The following POU6F2 variants were observed in gnomAD, a reference collection of about 807,000 sequenced individuals.
POU6F2 encodes POU domain, class 6, transcription factor 2.
POU6F2 carries 31 observed loss-of-function variants against 71.3 expected under a neutral mutation model. The ratio of observed to expected loss-of-function variants is 0.43; its 90% CI spans 0.33 to 0.59. The LOEUF (loss-of-function observed/expected upper bound fraction) is 0.59. Among genes scored for constraint, POU6F2 ranks in the 20% least tolerant of loss-of-function variants. POU6F2 has a pLI of 0.04. For synonymous variants in POU6F2, 347 were observed against 355.7 expected (o/e 0.98, Z 0.27); for missense variants, 783 against 856.8 (o/e 0.91, Z 1.07).
chr7:39,280,336 AGT>A (rs1229265296), intron 4 of POU6F2, among the ~76,000 whole-genome samples: 1 of 152,200 alleles, frequency 6.6e-6, no homozygotes, highest in African/African-American at 2.4e-5. Context: ...GGTGACCCAA[AGT>A]GTGTGTTCAA....
intron 2 of POU6F2, among the ~76,000 whole-genome samples, chr7:39,104,825 C>G (rs1448456153): frequency 6.6e-6 from 1 of 152,186 alleles, no homozygotes; most frequent in East Asian, 1.9e-4. Context: ...AAAGAAAGCA[C>G]TTTGGAGACC....
At chr7:39,179,543 A>G (rs1245967822) in intron 2 of POU6F2, among the ~76,000 whole-genome samples, 1 of 152,218 alleles carries the variant, frequency 6.6e-6, no homozygotes, top group Non-Finnish European at 1.5e-5. Flanking sequence ...GCACACACAC[A>G]CACACACGCA....
At chr7:39,131,815 G>A (rs1223656988) in intron 2 of POU6F2, among the ~76,000 whole-genome samples, 1 of 151,726 alleles carries the variant, frequency 6.6e-6, no homozygotes, top group Non-Finnish European at 1.5e-5. Context: ...CTTCCCTTCC[G>A]ATGAGAGGCA....
chr7:39,125,635 A>G (rs1299565090), intron 2 of POU6F2, among the ~76,000 whole-genome samples: 1 of 152,182 alleles, frequency 6.6e-6, no homozygotes, highest in East Asian at 1.9e-4. Flanking sequence ...GAGAGCAAGA[A>G]AGAGAGAGGA....
intron 5 of POU6F2, among the ~76,000 whole-genome samples, chr7:39,354,830 TCC>T (rs1786220159): frequency 6.6e-6 from 1 of 152,230 alleles, no homozygotes; most frequent in African/African-American, 2.4e-5. Flanking sequence ...GTTCAGCCTT[TCC>T]TGAAGGAAAT....
At chr7:39,335,750 G>A (rs1372426435) in intron 4 of POU6F2, among the ~76,000 whole-genome samples, 1 of 152,190 alleles carries the variant, frequency 6.6e-6, no homozygotes, top group African/African-American at 2.4e-5. Context: ...ACTTTTAACC[G>A]AAATTTCCTT....
chr7:39,228,716 C>T (rs759127999), intron 4 of POU6F2, among the ~76,000 whole-genome samples: 2 of 152,048 alleles, frequency 1.3e-5, no homozygotes, highest in African/African-American at 2.4e-5. Context: ...AGTAAGTAGT[C>T]GCAAATGAAT....
At chr7:39,153,258 T>C (rs1159042079) in intron 2 of POU6F2, among the ~76,000 whole-genome samples, 3 of 152,258 alleles carry the variant, frequency 2.0e-5, no homozygotes, top group Admixed American at 1.3e-4. Context: ...ACACCAATGA[T>C]GGCAGTTTCT....
chr7:39,461,732 G>GA (rs1487073876), intron 9 of POU6F2, among the ~76,000 whole-genome samples: 2 of 152,172 alleles, frequency 1.3e-5, no homozygotes, highest in African/African-American at 4.8e-5. Context: ...AAAACCCATT[G>GA]ATTGTTGTTA....
chr7:39,200,591 C>T (rs915134124), intron 2 of POU6F2, among the ~76,000 whole-genome samples: 2 of 152,094 alleles, frequency 1.3e-5, no homozygotes, highest in African/African-American at 4.8e-5. Flanking sequence ...GCACAGTGGC[C>T]ACCTTTAGTC....
At position 39,464,439 on chromosome 7, in the gene POU6F2, G is replaced by T. The variant is rs1310902537; in HGVS notation, c.1916G>T (p.Arg639Leu). 1 of 1,613,936 alleles carries T rather than the reference G, an allele frequency of 6.2e-7. No homozygotes were observed. Among genetic ancestry groups the T allele is most frequent in the East Asian group, 2.2e-5 (1 of 44,880 alleles). The change falls in exon 10 of 10, where the codon CGG becomes CTG. Residue 639 changes from arginine to leucine, a missense_variant. This residue lies in a region of POU6F2 where 211 missense variants were observed against 283.9 expected (regional missense o/e 0.74). Coordinates refer to ENST00000518318, the MANE Select transcript of POU6F2 (RefSeq NM_001370959.1). The surrounding 1 kb of genome is among the most constrained non-coding windows in gnomAD (Gnocchi z 4.1). ...AGTGAACCATCCAAAAAGCGCAAGC[G>T]GCGCACCTCCTTCACACCCCAGGCC... ...IGSEPSKKRK[R>L]RTSFTPQALE...
intron 5 of POU6F2, among the ~76,000 whole-genome samples, chr7:39,387,585 A>G (rs1007800451): frequency 2.0e-5 from 3 of 152,224 alleles, no homozygotes; most frequent in East Asian, 1.9e-4. Context: ...TTCCATCCAC[A>G]TGAACCTCCA....
intron 5 of POU6F2, chr7:39,373,625 G>A: frequency 4.8e-6 from 2 of 418,752 alleles, no homozygotes; most frequent in Non-Finnish European, 4.8e-6. Flanking sequence ...TACTGGAGAA[G>A]CAATAATTTT....
At chr7:39,431,526 C>CT (rs1230386188) in intron 6 of POU6F2, among the ~76,000 whole-genome samples, 1 of 152,212 alleles carries the variant, frequency 6.6e-6, no homozygotes, top group Admixed American at 6.5e-5. Flanking sequence ...CCCAGCCCAC[C>CT]AGCAGCCTTT....
intron 5 of POU6F2, among the ~76,000 whole-genome samples, chr7:39,377,452 T>C (rs1786732709): frequency 1.3e-5 from 2 of 152,170 alleles, no homozygotes; most frequent in Non-Finnish European, 2.9e-5. Context: ...TTTAATTACA[T>C]ATAAAAGAAA....
intron 5 of POU6F2, among the ~76,000 whole-genome samples, chr7:39,404,208 A>G (rs1323260952): frequency 1.3e-5 from 2 of 152,212 alleles, no homozygotes; most frequent in Non-Finnish European, 2.9e-5. Flanking sequence ...TGACCCCAAA[A>G]CACAAAAGCT....
chr7:39,303,163 T>TG (rs1784983074), intron 4 of POU6F2, among the ~76,000 whole-genome samples: 1 of 152,166 alleles, frequency 6.6e-6, no homozygotes, highest in South Asian at 2.1e-4. Flanking sequence ...TTTGTTTTTT[T>TG]GGTTTTTTTT....
At chr7:39,454,381 G>A (rs932904664) in intron 8 of POU6F2, among the ~76,000 whole-genome samples, 1 of 151,788 alleles carries the variant, frequency 6.6e-6, no homozygotes, top group Non-Finnish European at 1.5e-5. Flanking sequence ...AAAAATGGAG[G>A]TGGGGCTAAA....
intron 4 of POU6F2, among the ~76,000 whole-genome samples, chr7:39,247,809 T>C (rs1412734533): frequency 6.6e-6 from 1 of 152,158 alleles, no homozygotes; most frequent in Non-Finnish European, 1.5e-5. Context: ...AAGTTAATGG[T>C]CAACTGTAAC....
Sources: gnomAD v4.1 joint callset for allele counts (sites outside exome capture counted in the v4.1 genomes callset) on GRCh38, gnomAD v4.1.1 for gene constraint, gnomAD v4.1.1 regional missense constraint, Gnocchi (gnomAD v3.1) non-coding constraint, MANE v1.5 for transcripts, NCBI Gene and HGNC (gene_info 2026-07-23, HGNC 2026-07-21) for gene names.